The following PHGDH variants were observed in gnomAD, a reference collection of about 807,000 sequenced individuals.
PHGDH encodes the protein D-3-phosphoglycerate dehydrogenase.
In PHGDH, 50 loss-of-function variants were observed where a neutral mutation model predicts 52.6. The ratio of observed to expected loss-of-function variants is 0.95; its 90% CI spans 0.76 to 1.20. The LOEUF is 1.20. PHGDH is among the 50% of genes most tolerant of loss of function. The pLI is 0.00. For synonymous variants in PHGDH, 271 were observed against 280.5 expected (o/e 0.97, Z 0.34); for missense variants, 630 against 684.6 (o/e 0.92, Z 0.89).
intron 1 of PHGDH, among the ~76,000 whole-genome samples, chr1:119,716,873 G>A (rs1183872791): frequency 6.6e-6 from 1 of 152,026 alleles, no homozygotes; most frequent in Non-Finnish European, 1.5e-5. Context: ...GTACACTCCT[G>A]TTTCCCTCCA....
At position 119,734,634 on chromosome 1, in the gene PHGDH, AC is replaced by A; in HGVS notation, c.512del (p.Thr171IlefsTer2). On this transcript the variant is annotated frameshift_variant and splice_region_variant, in exon 6 of 12. Coordinates refer to ENST00000641023, the MANE Select transcript of PHGDH (RefSeq NM_006623.4). LOFTEE classifies it high-confidence loss of function. ...CTCCCTCTCTCTTGCTTCCAACCAG[AC>A]TATAGGGTATGACCCCATCATTTCC... is the stretch of plus-strand genomic sequence containing the variant. ...ATRMQSFGMKTIGYDPIISPE... is the reference protein window; with the variant it reads ...ATRMQSFGMKXIGYDPIISPE... 6.2e-7 allele frequency: 1 copy of A among 1,614,006 alleles called. No individual in the cohort carries two copies. Among genetic ancestry groups the A allele is most frequent in the Non-Finnish European group, 8.5e-7 (1 of 1,179,874 alleles).
At chr1:119,722,508 TAGGGTGTGAGG>T (rs1245026220) in intron 2 of PHGDH, among the ~76,000 whole-genome samples, 1 of 152,104 alleles carries the variant, frequency 6.6e-6, no homozygotes, top group Non-Finnish European at 1.5e-5. Flanking sequence ...CCCTGTGACT[TAGGGTGTGAGG>T]AGGCTTTCTC....
intron 9 of PHGDH, among the ~76,000 whole-genome samples, chr1:119,740,854 C>T (rs1328918608): frequency 6.6e-6 from 1 of 152,146 alleles, no homozygotes; most frequent in Admixed American, 6.5e-5. Context: ...AATTAAGCAA[C>T]AGGATGCTGG....
chr1:119,716,863 G>A (rs587686409), intron 1 of PHGDH, among the ~76,000 whole-genome samples: 31 of 152,200 alleles, frequency 2.0e-4, no homozygotes, highest in African/African-American at 7.5e-4. Context: ...GTCATGCAGT[G>A]TACACTCCTG....
chr1:119,741,796 C>T lies in PHGDH; in HGVS notation c.1108C>T (p.Leu370=). The change falls in exon 10 of 12, where the codon CTA becomes TTA. Residue 370 remains leucine (L), a synonymous_variant. Transcript: ENST00000641023. Reference sequence around the variant, plus strand: ...ATCCCTGAAGAATGCTGGGAACTGCCTAAGCCCCGCAGTCATTGTCGGCCT... The same window carrying T: ...ATCCCTGAAGAATGCTGGGAACTGCTTAAGCCCCGCAGTCATTGTCGGCCT... The part of the protein sequence containing the change: ...GTSLKNAGNC[L]SPAVIVGLLK... The T allele has an allele frequency of 6.2e-7, 1 of 1,613,262 alleles. No individual in the cohort carries two copies. The highest frequency in any genetic ancestry group is 8.5e-7 in the Non-Finnish European group (1 of 1,179,202).
At chr1:119,739,936 G>GT (rs1557980614) in intron 8 of PHGDH, 2 of 200,582 alleles carry the variant, frequency 1.0e-5, no homozygotes, top group African/African-American at 4.6e-5. Flanking sequence ...TAGTAACAAT[G>GT]TAAACACTTA....
chr1:119,721,055 A>G (rs1331266320), intron 1 of PHGDH, 115 bp from the exon 2 acceptor site: 3 of 957,904 alleles, frequency 3.1e-6, no homozygotes, highest in African/African-American at 3.2e-5. Flanking sequence ...GTCATCAGTG[A>G]CTTCCTAAGG....
intron 8 of PHGDH, among the ~76,000 whole-genome samples, chr1:119,739,079 A>C (rs894312367): frequency 6.6e-6 from 1 of 152,228 alleles, no homozygotes; most frequent in Non-Finnish European, 1.5e-5. Context: ...ATTCTGTTCT[A>C]ACCTCAGACA....
rs778021683 is a variant in PHGDH, at chr1:119,740,420, C to T, written c.980C>T (p.Pro327Leu). The T allele has an allele frequency of 6.2e-6, 10 of 1,613,962 alleles. No homozygotes were observed. The Admixed American group carries it at 1.3e-4, about 22-fold the overall frequency. The change falls in exon 9 of 12, where the codon CCA becomes CTA. Residue 327 changes from proline (P) to leucine (L), a missense_variant. Physicochemically the swap from Pro to Leu is moderately conservative, Grantham distance 98. Transcript: ENST00000641023. ...NAQALTSAFS[P>L]HTKPWIGLAE... ...CAGGCCCTTACCAGTGCCTTCTCTC[C>T]ACACACCAAGCCTTGGATTGGTCTG...
chr1:119,736,985 G>A (rs1434012032), intron 7 of PHGDH, 129 bp from the exon 8 acceptor site: 1 of 841,650 alleles, frequency 1.2e-6, no homozygotes, highest in Non-Finnish European at 2.0e-6. Context: ...TGACCACCCT[G>A]ACAAAATAGA....
In PHGDH at chr1:119,742,851, C is replaced by T. The variant is rs763258512; in HGVS notation, c.1254C>T (p.Phe418=). ...HSPAAPGEQG[F]GECLLAVALA... ...CTGCTGCACCAGGGGAGCAAGGCTT[C>T]GGGGAATGCCTCCTGGCCGTGGCCC... Residue 418 remains phenylalanine, a synonymous_variant, in exon 11 of 12, where the codon TTC becomes TTT. Coordinates refer to ENST00000641023, the MANE Select transcript of PHGDH (RefSeq NM_006623.4). 101 of 1,613,600 alleles carry T rather than the reference C, an allele frequency of 6.3e-5. No homozygotes were observed. The highest frequency in any genetic ancestry group is 1.1e-4 in the East Asian group (5 of 44,884).
intron 1 of PHGDH, chr1:119,712,487 A>T: frequency 2.7e-6 from 1 of 373,552 alleles, no homozygotes; most frequent in South Asian, 2.2e-5. Flanking sequence ...GCGGCGCCCC[A>T]GCGCCTTAGC....
intron 5 of PHGDH, among the ~76,000 whole-genome samples, chr1:119,734,045 A>G (rs1215527449): frequency 6.6e-6 from 1 of 151,724 alleles, no homozygotes; most frequent in African/African-American, 2.4e-5. Flanking sequence ...TCTTGCTCCC[A>G]CTCTGGGTCC....
At position 119,727,096 on chromosome 1, in the gene PHGDH, G is replaced by A. The variant is rs2101172535; in HGVS notation, c.504G>A (p.Gly168=). The A allele has an allele frequency of 6.3e-7, 1 of 1,588,514 alleles. No individual in the cohort carries two copies. The highest frequency in any genetic ancestry group is 8.6e-7 in the Non-Finnish European group (1 of 1,156,472). The change falls in exon 5 of 12, where the codon GGG becomes GGA. Residue 168 remains glycine, a synonymous_variant. Coordinates refer to ENST00000641023, the MANE Select transcript of PHGDH (RefSeq NM_006623.4). ...REVATRMQSF[G]MKTIGYDPII... ...TAGCTACCCGGATGCAGTCCTTTGG[G>A]ATGAAGGTAAGATGTTGCTGGAACC...
chr1:119,727,275 CT>C (rs1464593562), intron 5 of PHGDH, 173 bp downstream of exon 5: 2 of 651,058 alleles, frequency 3.1e-6, no homozygotes, highest in Admixed American at 4.5e-5. Context: ...GCCTGCTGAT[CT>C]GGACTCAAAA....
intron 1 of PHGDH, among the ~76,000 whole-genome samples, chr1:119,717,328 G>T (rs1194377883): frequency 6.7e-6 from 1 of 148,298 alleles, no homozygotes; most frequent in African/African-American, 2.5e-5. Context: ...GGTGAAAGGA[G>T]TTTTCTCCAC....
intron 2 of PHGDH, among the ~76,000 whole-genome samples, chr1:119,722,920 G>T (rs1409525095): frequency 2.0e-5 from 3 of 148,524 alleles, no homozygotes; most frequent in Non-Finnish European, 4.5e-5. Flanking sequence ...AAAAAAGCCA[G>T]GTTGGGTAAC....
Position 119,743,959 on chromosome 1 carries a change from C to T in PHGDH, c.1521C>T (p.His507=), listed in dbSNP as rs145182036. The T allele has an allele frequency of 5.0e-6, 8 of 1,613,688 alleles. No homozygotes were observed. Among genetic ancestry groups the T allele is most frequent in the African/African-American group, 2.7e-5 (2 of 74,910 alleles). ...TGGTGTCAGATGGGGAGACCTGGCA[C>T]GTCATGGGCATCTCCTCCTTGCTGC... ...TSLVSDGETW[H]VMGISSLLPS... is the part of the protein sequence containing the mutation. Residue 507 remains histidine, a synonymous_variant, in exon 12 of 12, where the codon CAC becomes CAT. Coordinates refer to ENST00000641023, the MANE Select transcript of PHGDH (RefSeq NM_006623.4).
intron 2 of PHGDH, chr1:119,721,638 G>T: frequency 3.3e-6 from 1 of 298,528 alleles, no homozygotes; most frequent in Non-Finnish European, 6.3e-6. Context: ...TCTGTGACCT[G>T]GTTCAGGAAT....
Sources: allele counts gnomAD v4.1 joint callset (sites outside exome capture counted in the v4.1 genomes callset), GRCh38; gene constraint gnomAD v4.1.1; transcripts MANE v1.5; gene names NCBI Gene and HGNC (gene_info 2026-07-23, HGNC 2026-07-21).